Variants in CEP250 observed in about 807,000 individuals in gnomAD.
CEP250 encodes centrosome-associated protein CEP250.
CEP250 carries 242 observed loss-of-function variants against 315.7 expected under a neutral mutation model. That is an observed-to-expected ratio of 0.77 (90% confidence interval 0.69 to 0.85). The LOEUF (loss-of-function observed/expected upper bound fraction) is 0.85. Among genes scored for constraint, CEP250 ranks in the 40% least tolerant of loss-of-function variants. The pLI is 0.00. For missense variants in CEP250, 2,515 were observed against 2,886.4 expected (o/e 0.87, Z 2.95); for synonymous variants, 1,088 against 1,175.0 (o/e 0.93, Z 1.51).
Position 35,469,812 on chromosome 20 carries a change from G to A in CEP250, c.852-78G>A, listed in dbSNP as rs1177308891. Reference sequence around the variant, plus strand: ...TTGGGAGTGGTTGGGGTTGGGGCTGGGGCTGGGGTGTGCTGCATCGTAGCT... The same window carrying A: ...TTGGGAGTGGTTGGGGTTGGGGCTGAGGCTGGGGTGTGCTGCATCGTAGCT... On this transcript the variant is annotated intron_variant, in intron 9 of 34. Transcript: ENST00000397527. 5.4e-6 allele frequency: 5 copies of A among 921,008 alleles called. No homozygotes were observed. The Admixed American group carries it at 7.3e-5, about 13-fold the overall frequency. The allele number at this position is 921,008 out of a possible 1,614,324, so 57.1% of individuals were successfully genotyped here. A position where few individuals can be genotyped will look rare whatever the true frequency, so the allele number is the denominator to read the frequency against.
At position 35,503,118 on chromosome 20, in the gene CEP250, G is replaced by A. The variant is rs2064065601; in HGVS notation, c.4749G>A (p.Arg1583=). 2 of 1,614,030 alleles carry A rather than the reference G, an allele frequency of 1.2e-6. No homozygotes were observed. The highest frequency in any genetic ancestry group is 1.7e-6 in the Non-Finnish European group (2 of 1,180,038). Residue 1583 remains arginine, a synonymous_variant, in exon 30 of 35, where the codon AGG becomes AGA. Coordinates refer to ENST00000397527, the MANE Select transcript of CEP250 (RefSeq NM_007186.6). The surrounding 1 kb of genome is among the most constrained non-coding windows in gnomAD (Gnocchi z 4.2). ...QKLIKELEGQ[R]ETQRVALTHL... ...TGATCAAGGAGCTGGAGGGCCAGAGGGAAACCCAGAGAGTGGCTTTGACCC... is the reference window on the plus strand; with the variant it reads ...TGATCAAGGAGCTGGAGGGCCAGAGAGAAACCCAGAGAGTGGCTTTGACCC...
intron 5 of CEP250, among the ~76,000 whole-genome samples, chr20:35,465,339 G>A (rs1174892469): frequency 1.3e-5 from 2 of 150,506 alleles, no homozygotes; most frequent in Admixed American, 1.3e-4. Flanking sequence ...AGAATCACTT[G>A]AACCTGGGAG....
At chr20:35,495,487 C>T (rs2063811043) in intron 24 of CEP250, among the ~76,000 whole-genome samples, 1 of 152,168 alleles carries the variant, frequency 6.6e-6, no homozygotes, top group Non-Finnish European at 1.5e-5. Flanking sequence ...GGGCTGGGTG[C>T]TGTGTCCCAC....
At chr20:35,482,004 T>A (rs572885747) in intron 20 of CEP250, among the ~76,000 whole-genome samples, 2 of 152,138 alleles carry the variant, frequency 1.3e-5, no homozygotes, top group Admixed American at 6.6e-5. Flanking sequence ...TCCAGCCTAC[T>A]TTTATTCTTG....
intron 32 of CEP250, 70 bp downstream of exon 32, chr20:35,508,260 TA>T: frequency 1.3e-6 from 2 of 1,523,348 alleles, no homozygotes; most frequent in Non-Finnish European, 1.8e-6. Context: ...ATAGGCTCAG[TA>T]AATTACAGCC....
Position 35,478,113 on chromosome 20 carries a change from A to C in CEP250, c.2094+12A>C. 2 of 1,543,740 alleles carry C rather than the reference A, an allele frequency of 1.3e-6. No homozygotes were observed. The highest frequency in any genetic ancestry group is 1.8e-6 in the Non-Finnish European group (2 of 1,116,948). On this transcript the variant is annotated intron_variant, in intron 17 of 34. Transcript: ENST00000397527. ...AGAAACTAAGTGAGGTGAGAAGCCA[A>C]AATGGACACCATCATGTCTAGGTGT...
Position 35,504,329 on chromosome 20 carries a change from A to G in CEP250, c.5960A>G (p.Gln1987Arg). ...LQGKEQHLLE[Q>R]AELSRSLEAS... is the part of the protein sequence containing the mutation. The stretch of plus-strand genomic sequence containing the variant: ...GGGAAAGAGCAGCATCTCCTCGAGC[A>G]GGCAGAATTGAGCCGCAGTCTGGAG... Residue 1987 changes from glutamine to arginine, a missense_variant, in exon 30 of 35, where the codon CAG becomes CGG. Gln to Arg is a conservative substitution (Grantham distance 43). Transcript: ENST00000397527. 2 of 1,591,374 alleles carry G rather than the reference A, an allele frequency of 1.3e-6. No individual in the cohort carries two copies. Among genetic ancestry groups the G allele is most frequent in the African/African-American group, 2.7e-5 (2 of 74,504 alleles).
chr20:35,487,503 G>A (rs190954939), intron 20 of CEP250, among the ~76,000 whole-genome samples: 2 of 152,174 alleles, frequency 1.3e-5, no homozygotes, highest in East Asian at 3.9e-4. Flanking sequence ...ACTCTTGGCA[G>A]TTGTATTCTT....
At position 35,504,063 on chromosome 20, in the gene CEP250, A is replaced by G. The variant is rs574382679; in HGVS notation, c.5694A>G (p.Glu1898=). 1.9e-6 allele frequency: 3 copies of G among 1,606,798 alleles called. No homozygotes were observed. In the South Asian group the frequency reaches 3.3e-5, roughly 18 times the overall value. Reference sequence around the variant, plus strand: ...GAGACCTAAGGGCTGAGTCTCGGGAACAGGAGAAAGCTCTGTTGGCCCTCC... The same window carrying G: ...GAGACCTAAGGGCTGAGTCTCGGGAGCAGGAGAAAGCTCTGTTGGCCCTCC... ...VLGDLRAESR[E]QEKALLALQQ... Residue 1898 remains glutamate, a synonymous_variant, in exon 30 of 35, where the codon GAA becomes GAG. Transcript: ENST00000397527.
intron 20 of CEP250, chr20:35,481,021 A>G (rs1272964186): frequency 3.3e-5 from 5 of 152,134 alleles, no homozygotes; most frequent in African/African-American, 1.2e-4. Flanking sequence ...TTTATTTTAA[A>G]AATCCTGTTA....
rs750170868 is a variant in CEP250, at chr20:35,512,155, A to G, written c.*529A>G. 46 of 495,904 alleles carry G rather than the reference A, an allele frequency of 9.3e-5. No individual in the cohort carries two copies. Among genetic ancestry groups the G allele is most frequent in the Non-Finnish European group, 1.1e-4 (43 of 381,484 alleles). The allele number at this position is 495,904 out of a possible 1,614,324, so 30.7% of individuals were successfully genotyped here. A position where few individuals can be genotyped will look rare whatever the true frequency, so the allele number is the denominator to read the frequency against. On this transcript the variant is annotated 3_prime_UTR_variant, in exon 35 of 35. Coordinates refer to ENST00000397527, the MANE Select transcript of CEP250 (RefSeq NM_007186.6). Reference sequence around the variant, plus strand: ...CAAAGCCCCTGTCCACAGACAGCCTACAGTCCAGTTGATGAGAACAGGCTA... The same window carrying G: ...CAAAGCCCCTGTCCACAGACAGCCTGCAGTCCAGTTGATGAGAACAGGCTA...
chr20:35,463,380 G>C (rs1290459340), intron 4 of CEP250, among the ~76,000 whole-genome samples, 195 bp from the exon 5 acceptor site: 1 of 152,172 alleles, frequency 6.6e-6, no homozygotes, highest in Non-Finnish European at 1.5e-5. Context: ...TCCAGCCTGG[G>C]ACACAGAGCG....
intron 9 of CEP250, 93 bp from the exon 10 acceptor site, chr20:35,469,797 T>G: frequency 1.4e-6 from 1 of 695,450 alleles, no homozygotes; most frequent in Non-Finnish European, 2.3e-6. Context: ...TTGGGAGTGG[T>G]TGGGGTTGGG....
chr20:35,501,975 G>A lies in CEP250; in HGVS notation c.4020+9G>A. On this transcript the variant is annotated intron_variant, in intron 29 of 34. Coordinates refer to ENST00000397527, the MANE Select transcript of CEP250 (RefSeq NM_007186.6). The stretch of plus-strand genomic sequence containing the variant: ...AGCGAATGGAAGCCCAGGTAAAGTG[G>A]TACTGGTTTCAGGGAGGGGTTTGCC... 3 of 1,610,172 alleles carry A rather than the reference G, an allele frequency of 1.9e-6. No individual in the cohort carries two copies. Among genetic ancestry groups the A allele is most frequent in the Non-Finnish European group, 2.5e-6 (3 of 1,179,676 alleles).
rs757600168 is a variant in CEP250, at chr20:35,497,828, G to A, written c.3416G>A (p.Arg1139Gln). Residue 1139 changes from arginine (R) to glutamine (Q), a missense_variant, in exon 26 of 35, where the codon CGA becomes CAA. Transcript: ENST00000397527. ...EASHITEQQL[R>Q]ASLWAQEAKA... Reference sequence around the variant, plus strand: ...TCTCATATCACGGAGCAGCAGCTGCGAGCCTCCTTGTGGGCCCAGGAAGCC... The same window carrying A: ...TCTCATATCACGGAGCAGCAGCTGCAAGCCTCCTTGTGGGCCCAGGAAGCC... 3 of 1,572,098 alleles carry A rather than the reference G, an allele frequency of 1.9e-6. No individual in the cohort carries two copies. The highest frequency in any genetic ancestry group is 1.9e-5 in the Admixed American group (1 of 53,026).
In CEP250 at chr20:35,513,166, G is replaced by C. The variant is rs1200503189; in HGVS notation, c.*1540G>C. 6.6e-6 allele frequency: 1 copy of C among 152,166 alleles called. No individual in the cohort carries two copies. Among genetic ancestry groups the C allele is most frequent in the Non-Finnish European group, 1.5e-5 (1 of 68,046 alleles). 9.4% of individuals were successfully genotyped at this position (152,166 alleles called of 1,614,324 possible). A position where few individuals can be genotyped will look rare whatever the true frequency, so the allele number is the denominator to read the frequency against. On this transcript the variant is annotated 3_prime_UTR_variant, in exon 35 of 35. Coordinates refer to ENST00000397527, the MANE Select transcript of CEP250 (RefSeq NM_007186.6). ...CTGAAACCCCAGAAACAGATCTGGGGCCCCAGAAATGCTGTCCTGGTCCCT... is the reference window on the plus strand; with the variant it reads ...CTGAAACCCCAGAAACAGATCTGGGCCCCCAGAAATGCTGTCCTGGTCCCT...
intron 20 of CEP250, among the ~76,000 whole-genome samples, chr20:35,490,216 G>GA (rs2063646548): frequency 6.6e-6 from 1 of 152,090 alleles, no homozygotes; most frequent in African/African-American, 2.4e-5. Flanking sequence ...GGGAGGCTGA[G>GA]ACAGGAGAAT....
chr20:35,504,835 CA>C lies in CEP250; in HGVS notation c.6467del (p.Gln2156ArgfsTer4). 1 of 1,614,240 alleles carries C rather than the reference CA, an allele frequency of 6.2e-7. No individual in the cohort carries two copies. The highest frequency in any genetic ancestry group is 8.5e-7 in the Non-Finnish European group (1 of 1,180,044). ...PRLQRELERL[Q>X]AALRQTEARE... ...GCTGCAGCGGGAGCTGGAGCGGCTA[CA>C]GGCAGCCCTGAGACAGACAGAAGCC... On this transcript the variant is annotated frameshift_variant, in exon 30 of 35. Coordinates refer to ENST00000397527, the MANE Select transcript of CEP250 (RefSeq NM_007186.6). LOFTEE classifies it high-confidence loss of function.
chr20:35,472,601 A>G, intron 11 of CEP250, 72 bp from the exon 12 acceptor site: 8 of 1,490,138 alleles, frequency 5.4e-6, no homozygotes, highest in South Asian at 1.2e-5. Context: ...TGTCCAGGCT[A>G]TAGGGTTAAG....
Sources: gnomAD v4.1 joint callset for allele counts (sites outside exome capture counted in the v4.1 genomes callset) on GRCh38, gnomAD v4.1.1 for gene constraint, Gnocchi (gnomAD v3.1) non-coding constraint, MANE v1.5 for transcripts, NCBI Gene and HGNC (gene_info 2026-07-23, HGNC 2026-07-21) for gene names.